ERC2: variants seen among roughly 807,000 people sequenced by gnomAD.
The protein encoded by ERC2 is ELKS/RAB6-interacting/CAST family member 2.
In ERC2, 42 loss-of-function variants were observed where a neutral mutation model predicts 114.8. The observed-to-expected ratio is 0.37, with a 90% confidence interval of 0.29 to 0.47. The LOEUF (loss-of-function observed/expected upper bound fraction) is 0.47. ERC2 is among the 20% of genes least tolerant of loss of function. ERC2 has a pLI of 0.99. For synonymous variants in ERC2, 454 were observed against 425.5 expected, an observed-to-expected ratio of 1.07 and a Z score of -0.82; for missense variants, 939 against 1,150.7, an observed-to-expected ratio of 0.82 and a Z score of 2.66.
chr3:55,733,813 G>A (rs1439978754), intron 15 of ERC2, among the ~76,000 whole-genome samples: 1 of 152,102 alleles, frequency 6.6e-6, no homozygotes, highest in Non-Finnish European at 1.5e-5. Context: ...AGTCAATATG[G>A]ACACACTCCA....
chr3:55,580,233 T>A (rs891152884), intron 17 of ERC2, among the ~76,000 whole-genome samples: 13 of 92,412 alleles, frequency 1.4e-4, no homozygotes, highest in South Asian at 9.8e-4. Context: ...GGAAGCATAT[T>A]TTTTTTTTTT....
At chr3:55,543,928 C>T (rs1293235858) in intron 17 of ERC2, among the ~76,000 whole-genome samples, 1 of 152,214 alleles carries the variant, frequency 6.6e-6, no homozygotes, top group Non-Finnish European at 1.5e-5. Context: ...TTCTCAAGAA[C>T]AAGAACCTGC....
At chr3:56,408,891 G>A (rs559954866) in intron 2 of ERC2, among the ~76,000 whole-genome samples, 35 of 152,348 alleles carry the variant, frequency 2.3e-4, no homozygotes, top group African/African-American at 8.4e-4. Context: ...AGCTCTGCAC[G>A]CGCGCCTGAG....
At chr3:56,228,830 A>C (rs994678271) in intron 3 of ERC2, among the ~76,000 whole-genome samples, 1 of 152,210 alleles carries the variant, frequency 6.6e-6, no homozygotes, top group Non-Finnish European at 1.5e-5. Flanking sequence ...CAATGACAAC[A>C]ACAAAAATAT....
intron 7 of ERC2, among the ~76,000 whole-genome samples, chr3:56,079,755 A>C (rs775504725): frequency 3.3e-5 from 5 of 152,134 alleles, no homozygotes; most frequent in Non-Finnish European, 5.9e-5. Context: ...ATTGGTTGTG[A>C]CTGGAGAGTT....
intron 17 of ERC2, among the ~76,000 whole-genome samples, chr3:55,528,102 G>T (rs1256539308): frequency 6.6e-6 from 1 of 152,104 alleles, no homozygotes; most frequent in African/African-American, 2.4e-5. Context: ...AAATATGATG[G>T]CAGATTGGAA....
chr3:56,192,635 T>C (rs1188083006), intron 3 of ERC2, among the ~76,000 whole-genome samples: 1 of 152,160 alleles, frequency 6.6e-6, no homozygotes, highest in African/African-American at 2.4e-5. Context: ...GACCATGCTT[T>C]CTATTACAAG....
intron 15 of ERC2, among the ~76,000 whole-genome samples, chr3:55,730,228 G>A (rs528629661): frequency 6.6e-6 from 1 of 152,238 alleles, no homozygotes; most frequent in African/African-American, 2.4e-5. Context: ...GTGGTTTGAT[G>A]GTGATTAAGT....
At chr3:56,300,820 T>C (rs1281255018) in intron 2 of ERC2, among the ~76,000 whole-genome samples, 1 of 152,222 alleles carries the variant, frequency 6.6e-6, no homozygotes, top group Non-Finnish European at 1.5e-5. Flanking sequence ...ATGCCCCTGT[T>C]CAAACCACGA....
At chr3:56,264,825 C>CA (rs34795999) in intron 3 of ERC2, among the ~76,000 whole-genome samples, 95,488 of 140,010 alleles carry the variant, frequency 0.68, 32,620 homozygotes, top group Non-Finnish European at 0.75. Flanking sequence ...ATGACCTATC[C>CA]AAAAAAAAAA....
intron 15 of ERC2, among the ~76,000 whole-genome samples, chr3:55,728,696 C>G (rs1006496920): frequency 1.5e-4 from 23 of 152,162 alleles, no homozygotes; most frequent in African/African-American, 5.5e-4. Flanking sequence ...GCCAGATGTA[C>G]TTCTTCTCCT....
chr3:56,403,673 G>A (rs145655774), intron 2 of ERC2, among the ~76,000 whole-genome samples: 1 of 152,156 alleles, frequency 6.6e-6, no homozygotes, highest in East Asian at 1.9e-4. Context: ...GCATCCTAAA[G>A]TTTGAGAAGC....
intron 14 of ERC2, among the ~76,000 whole-genome samples, chr3:55,780,169 G>A (rs1204369255): frequency 6.6e-6 from 1 of 152,142 alleles, no homozygotes; most frequent in South Asian, 2.1e-4. Context: ...TATTGTTTTA[G>A]ATATTCCACC....
rs999031348 is a variant in ERC2, at chr3:55,509,527, A to T, written c.*1789T>A. ...ACTTTTAAAACATGAATGCATTTGG[A>T]TTGTTTATGCAACACATAAGCATTA... On this transcript the variant is annotated 3_prime_UTR_variant, in exon 18 of 18. Coordinates refer to ENST00000288221, the MANE Select transcript of ERC2 (RefSeq NM_015576.3). The T allele has an allele frequency of 2.0e-5, 3 of 152,474 alleles. No homozygotes were observed. The highest frequency in any genetic ancestry group is 7.2e-5 in the African/African-American group (3 of 41,456). 9.4% of individuals were successfully genotyped at this position (152,474 alleles called of 1,614,324 possible). A position where few individuals can be genotyped will look rare whatever the true frequency, so the allele number is the denominator to read the frequency against.
intron 7 of ERC2, among the ~76,000 whole-genome samples, chr3:56,069,497 T>C (rs1316056161): frequency 6.6e-6 from 1 of 151,980 alleles, no homozygotes. Flanking sequence ...CTGCCTGGGG[T>C]ATTACAAGGG....
chr3:55,562,820 G>T (rs1038316913), intron 17 of ERC2, among the ~76,000 whole-genome samples: 1 of 151,256 alleles, frequency 6.6e-6, no homozygotes, highest in Non-Finnish European at 1.5e-5. Context: ...AAATTTTTTT[G>T]TTGTTGTTTA....
At position 55,950,095 on chromosome 3, in the gene ERC2, T is replaced by A. The variant is rs188774659; in HGVS notation, c.2403+330A>T. On this transcript the variant is annotated intron_variant, in intron 13 of 17. Coordinates refer to ENST00000288221, the MANE Select transcript of ERC2 (RefSeq NM_015576.3). ...TTGCCTTCTTCTATTCCCAAAACAATTTAAATATAAATTGAAAAGGAAGAC... is the reference window on the plus strand; with the variant it reads ...TTGCCTTCTTCTATTCCCAAAACAAATTAAATATAAATTGAAAAGGAAGAC... Among the ~76,000 whole-genome samples the A allele has an allele frequency of 1.7e-4, 26 of 152,332 alleles. No individual in the cohort carries two copies. The East Asian group carries it at 5.0e-3, about 29-fold the overall frequency.
intron 6 of ERC2, among the ~76,000 whole-genome samples, chr3:56,123,584 C>G (rs559601204): frequency 6.6e-6 from 1 of 152,310 alleles, no homozygotes; most frequent in South Asian, 2.1e-4. Context: ...TTTCTACAAC[C>G]ATCACTGGCT....
intron 17 of ERC2, among the ~76,000 whole-genome samples, chr3:55,583,786 C>T (rs1001803504): frequency 2.0e-5 from 3 of 151,534 alleles, no homozygotes; most frequent in Non-Finnish European, 4.4e-5. Flanking sequence ...CCCAAGTATC[C>T]GAGAGCTCAC....
Sources: allele counts gnomAD v4.1 joint callset (sites outside exome capture counted in the v4.1 genomes callset), GRCh38; gene constraint gnomAD v4.1.1; transcripts MANE v1.5; gene names NCBI Gene and HGNC (gene_info 2026-07-23, HGNC 2026-07-21).